The following CFAP299 variants were observed in gnomAD, a reference collection of about 807,000 sequenced individuals.
CFAP299 encodes the protein cilia- and flagella-associated protein 299.
A neutral mutation model predicts 27.0 loss-of-function variants in CFAP299; 21 were observed. The ratio of observed to expected loss-of-function variants is 0.78; its 90% CI spans 0.55 to 1.12. The LOEUF (loss-of-function observed/expected upper bound fraction) is 1.12. Ranked by LOEUF, CFAP299 falls within the 50% of genes most tolerant of loss-of-function variation. The probability of loss-of-function intolerance (pLI) is 0.00; values close to 1 mark genes in which losing one functional copy is unlikely to be tolerated. For missense variants in CFAP299, 310 were observed against 276.6 expected (o/e 1.12, Z -0.86); for synonymous variants, 104 against 98.1 (o/e 1.06, Z -0.36).
At chr4:80,949,161 A>T (rs1737632474) in intron 5 of CFAP299, among the ~76,000 whole-genome samples, 2 of 152,312 alleles carry the variant, frequency 1.3e-5, no homozygotes, top group South Asian at 4.1e-4. Flanking sequence ...ACTGACAGTC[A>T]ACAGTTAATT....
the CFAP299 span, among the ~76,000 whole-genome samples, chr4:80,330,144 G>A: frequency 6.6e-6 from 1 of 152,068 alleles, no homozygotes; most frequent in African/African-American, 2.4e-5. Flanking sequence ...CTTGAAATCA[G>A]TCTCTGGCTA....
chr4:80,701,895 C>A (rs1217175578), intron 3 of CFAP299, among the ~76,000 whole-genome samples: 1 of 151,888 alleles, frequency 6.6e-6, no homozygotes, highest in African/African-American at 2.4e-5. Context: ...AAACCCAAAT[C>A]ATGTGCCAGA....
intron 5 of CFAP299, among the ~76,000 whole-genome samples, chr4:80,947,501 T>C (rs1737536495): frequency 6.6e-6 from 1 of 152,082 alleles, no homozygotes; most frequent in Non-Finnish European, 1.5e-5. Context: ...TAGAGAGTTG[T>C]TGTAGTTGTT....
At chr4:80,617,795 G>A (rs1738371227) in intron 3 of CFAP299, among the ~76,000 whole-genome samples, 1 of 152,098 alleles carries the variant, frequency 6.6e-6, no homozygotes, top group Non-Finnish European at 1.5e-5. Context: ...TGAAACTAGA[G>A]GGTAAGCATT....
chr4:80,385,373 T>C (rs1325771441), intron 2 of CFAP299, among the ~76,000 whole-genome samples: 2 of 152,208 alleles, frequency 1.3e-5, no homozygotes, highest in East Asian at 1.9e-4. Context: ...TTTAAACATA[T>C]GGTTTTCTAG....
chr4:80,949,549 A>C (rs111392660), intron 5 of CFAP299, among the ~76,000 whole-genome samples: 386 of 10,864 alleles, frequency 0.036, 1 homozygote, highest in African/African-American at 0.05. Context: ...ACAACAACAA[A>C]AAAAAAAAGA....
chr4:80,826,160 CATA>C (rs142995242), intron 3 of CFAP299, among the ~76,000 whole-genome samples: 1,862 of 151,586 alleles, frequency 0.012, 16 homozygotes, highest in Middle Eastern at 0.021. Context: ...CAAATTAGAG[CATA>C]ATAACTTTAA....
chr4:80,414,559 G>T (rs1001225929), intron 2 of CFAP299, among the ~76,000 whole-genome samples: 14 of 152,304 alleles, frequency 9.2e-5, no homozygotes, highest in African/African-American at 2.9e-4. Flanking sequence ...TTAGGTCAAT[G>T]ATTTTCAAAG....
intron 3 of CFAP299, among the ~76,000 whole-genome samples, chr4:80,596,823 A>G (rs1215908288): frequency 6.6e-6 from 1 of 152,178 alleles, no homozygotes; most frequent in Non-Finnish European, 1.5e-5. Flanking sequence ...TCATTTTTAA[A>G]TGTTATATAA....
chr4:80,550,697 G>T (rs1578585591), intron 2 of CFAP299, among the ~76,000 whole-genome samples: 2 of 151,776 alleles, frequency 1.3e-5, no homozygotes, highest in African/African-American at 2.4e-5. Context: ...ATGTGATTCA[G>T]GGAGTAGCTA....
chr4:80,558,656 G>A (rs1320655185), intron 2 of CFAP299, among the ~76,000 whole-genome samples: 62 of 151,078 alleles, frequency 4.1e-4, no homozygotes, highest in Admixed American at 4.0e-3. Context: ...TCCCAGATGC[G>A]ACTTAGACTA....
At chr4:80,938,612 C>T (rs928285854) in intron 4 of CFAP299, among the ~76,000 whole-genome samples, 4 of 152,172 alleles carry the variant, frequency 2.6e-5, no homozygotes. Context: ...CCCCTGATTT[C>T]CCACTCCACA....
At chr4:80,702,200 C>A (rs1338747883) in intron 3 of CFAP299, among the ~76,000 whole-genome samples, 1 of 151,764 alleles carries the variant, frequency 6.6e-6, no homozygotes, top group Non-Finnish European at 1.5e-5. Context: ...TTAAGAAGTT[C>A]TCATTACCTA....
intron 2 of CFAP299, among the ~76,000 whole-genome samples, chr4:80,568,178 A>G (rs911832003): frequency 1.3e-5 from 2 of 152,046 alleles, no homozygotes; most frequent in South Asian, 4.2e-4. Flanking sequence ...TTAATATTAT[A>G]CAAACATACT....
chr4:80,708,848 C>A (rs1721972534), intron 3 of CFAP299, among the ~76,000 whole-genome samples: 1 of 151,920 alleles, frequency 6.6e-6, no homozygotes, highest in Admixed American at 6.6e-5. Context: ...AGCAAAAGTA[C>A]AACGTGAAAT....
intron 3 of CFAP299, among the ~76,000 whole-genome samples, chr4:80,638,228 A>G (rs1337489019): frequency 6.6e-6 from 1 of 152,160 alleles, no homozygotes; most frequent in Non-Finnish European, 1.5e-5. Flanking sequence ...TGCCATCCTG[A>G]TCCCCCTACT....
intron 5 of CFAP299, among the ~76,000 whole-genome samples, chr4:80,954,928 A>T (rs1396825818): frequency 7.1e-6 from 1 of 140,988 alleles, no homozygotes; most frequent in African/African-American, 2.6e-5. Flanking sequence ...TGAACCCAGG[A>T]GACGGAGCTT....
intron 3 of CFAP299, among the ~76,000 whole-genome samples, chr4:80,783,365 T>C (rs1727044086): frequency 6.6e-6 from 1 of 152,026 alleles, no homozygotes; most frequent in Non-Finnish European, 1.5e-5. Flanking sequence ...TTGGGGGCCA[T>C]TTTGGGGGCT....
At chr4:80,636,599 G>A (rs887019569) in intron 3 of CFAP299, among the ~76,000 whole-genome samples, 6 of 152,124 alleles carry the variant, frequency 3.9e-5, no homozygotes, top group African/African-American at 1.4e-4. Context: ...AAAGTGACAT[G>A]GCTGGTAGAA....
Sources: allele counts gnomAD v4.1 joint callset (sites outside exome capture counted in the v4.1 genomes callset), GRCh38; gene constraint gnomAD v4.1.1; transcripts MANE v1.5; gene names NCBI Gene and HGNC (gene_info 2026-07-23, HGNC 2026-07-21).